The following SYMPK variants were observed in gnomAD, a reference collection of about 807,000 sequenced individuals.
SYMPK encodes the protein symplekin.
In SYMPK, 49 loss-of-function variants were observed where a neutral mutation model predicts 136.4. That is an observed-to-expected ratio of 0.36 (90% confidence interval 0.29 to 0.46). The LOEUF (loss-of-function observed/expected upper bound fraction) is 0.46, where lower values mean the gene tolerates loss of function less well. Ranked by LOEUF, SYMPK falls within the 20% of genes least tolerant of loss-of-function variation. The pLI is 1.00. For missense variants in SYMPK, 1,365 were observed against 1,690.0 expected, an observed-to-expected ratio of 0.81 and a Z score of 3.37; for synonymous variants, 766 against 713.0, an observed-to-expected ratio of 1.07 and a Z score of -1.19.
At chr19:45,853,608 T>C (rs1971745390) in intron 3 of SYMPK, among the ~76,000 whole-genome samples, 1 of 144,998 alleles carries the variant, frequency 6.9e-6, no homozygotes, top group Non-Finnish European at 1.5e-5. Context: ...AGCAAGACTC[T>C]GCCTCAAAAA....
chr19:45,817,459 A>C (rs1207624773), intron 23 of SYMPK, among the ~76,000 whole-genome samples: 5 of 107,962 alleles, frequency 4.6e-5, no homozygotes, highest in African/African-American at 7.1e-5. Flanking sequence ...AGATGGTCTT[A>C]CTCTGCCGCC....
In SYMPK at chr19:45,815,937, G is replaced by A; in HGVS notation, c.3601C>T (p.Pro1201Ser). The A allele has an allele frequency of 2.5e-6, 4 of 1,611,872 alleles. No homozygotes were observed. Among genetic ancestry groups the A allele is most frequent in the Non-Finnish European group, 3.4e-6 (4 of 1,179,732 alleles). Reference sequence around the variant, plus strand: ...TCATCCATGCTGATGAAGATGCCCGGGGTCTCGCACTCAGGCCCCTCCTCC... The same window carrying A: ...TCATCCATGCTGATGAAGATGCCCGAGGTCTCGCACTCAGGCCCCTCCTCC... ...FREEGPECET[P>S]GIFISMDDDS... The change falls in exon 26 of 27, where the codon CCG (proline) becomes TCG (serine). Residue 1201 changes from proline (P) to serine (S), a missense_variant. Pro to Ser is a moderately conservative substitution (Grantham distance 74). Around this residue, in one of 11 missense-constraint regions of SYMPK, gnomAD observed 341 missense variants for 270.5 expected, o/e 1.26. Coordinates refer to ENST00000245934, the MANE Select transcript of SYMPK (RefSeq NM_004819.3).
rs1193357348 is a variant in SYMPK, at chr19:45,830,145, A to G, written c.1658T>C (p.Leu553Pro). 1.0e-5 allele frequency: 16 copies of G among 1,605,576 alleles called. No homozygotes were observed. Among genetic ancestry groups the G allele is most frequent in the Non-Finnish European group, 1.3e-5 (15 of 1,175,580 alleles). The change falls in exon 13 of 27, where the codon CTT (leucine) becomes CCT (proline). Residue 553 changes from leucine (L) to proline (P), a missense_variant. Leu to Pro is a moderately conservative substitution (Grantham distance 98). Transcript: ENST00000245934. ...CATGGCTTCCACCTGGGCATCGGTA[A>G]GGGGCTTCAGCACGTCGCTGAGACG... ...IFRLSDVLKP[L>P]TDAQVEAMKL...
intron 9 of SYMPK, among the ~76,000 whole-genome samples, chr19:45,841,920 T>A (rs974631380): frequency 6.6e-6 from 1 of 152,066 alleles, no homozygotes; most frequent in Non-Finnish European, 1.5e-5. Context: ...AAATAATGCA[T>A]AATTTATTAA....
chr19:45,859,508 G>C (rs1254383749), intron 1 of SYMPK, among the ~76,000 whole-genome samples: 1 of 152,152 alleles, frequency 6.6e-6, no homozygotes, highest in Non-Finnish European at 1.5e-5. Context: ...GCTGAGGCAT[G>C]AGAATTACCT....
chr19:45,827,198 G>A (rs1177062126), intron 16 of SYMPK, among the ~76,000 whole-genome samples: 2 of 152,224 alleles, frequency 1.3e-5, no homozygotes, highest in African/African-American at 4.8e-5. Flanking sequence ...GCTGCACGAG[G>A]AGCCTGTGCT....
At position 45,835,089 on chromosome 19, in the gene SYMPK, C is replaced by A; in HGVS notation, c.1382G>T (p.Gly461Val). ...CAGGACACACTCACCTGGTCCCAGT[C>A]CGGCAGCTGTCATCTGTGTGGCCAT... is the stretch of plus-strand genomic sequence containing the variant. ...RLMATQMTAAGLGPGVEQTKQ... is the reference protein window; with the variant it reads ...RLMATQMTAAVLGPGVEQTKQ... The change falls in exon 11 of 27, where the codon GGA becomes GTA. Residue 461 changes from glycine to valine, a missense_variant. Physicochemically the swap from Gly to Val is moderately radical, Grantham distance 109. Coordinates refer to ENST00000245934, the MANE Select transcript of SYMPK (RefSeq NM_004819.3). 2 of 1,603,748 alleles carry A rather than the reference C, an allele frequency of 1.2e-6. No individual in the cohort carries two copies. Among genetic ancestry groups the A allele is most frequent in the Non-Finnish European group, 1.7e-6 (2 of 1,174,590 alleles).
rs771044286 is a variant in SYMPK at position 45,831,384 on chromosome 19, C to T, written c.1598G>A (p.Arg533Gln). The change falls in exon 12 of 27, where the codon CGG becomes CAG. Residue 533 changes from arginine to glutamine, a missense_variant and splice_region_variant. Arg to Gln is a conservative substitution (Grantham distance 43). Coordinates refer to ENST00000245934, the MANE Select transcript of SYMPK (RefSeq NM_004819.3). ...CCCTAGCACCCAGAAGAGGACTCAC[C>T]GGGGCTGAGTGACAGGGATAATGGG... ...PEPIIPVTQP[R>Q]LAGAGGRKKI... 1.9e-6 allele frequency: 3 copies of T among 1,554,910 alleles called. No homozygotes were observed. Among genetic ancestry groups the T allele is most frequent in the South Asian group, 1.2e-5 (1 of 82,734 alleles).
At chr19:45,849,278 C>A (rs1258863159) in intron 5 of SYMPK, among the ~76,000 whole-genome samples, 1 of 152,152 alleles carries the variant, frequency 6.6e-6, no homozygotes, top group Non-Finnish European at 1.5e-5. Flanking sequence ...TCAGTAAACA[C>A]CAAAAAGCAT....
At chr19:45,842,639 CT>C in intron 8 of SYMPK, 150 bp from the exon 9 acceptor site, 1 of 1,080,960 alleles carries the variant, frequency 9.3e-7, no homozygotes, top group Non-Finnish European at 1.3e-6. Flanking sequence ...GGCTTTCCGC[CT>C]TACAAGCTGA....
intron 10 of SYMPK, among the ~76,000 whole-genome samples, chr19:45,837,542 G>A (rs1019228430): frequency 7.3e-5 from 11 of 151,222 alleles, no homozygotes; most frequent in Non-Finnish European, 1.5e-4. Flanking sequence ...ACTTGAACCC[G>A]GGAGGCGGAG....
At chr19:45,826,456 C>A (rs890850595) in intron 16 of SYMPK, 83 bp from the exon 17 acceptor site, 2 of 1,478,196 alleles carry the variant, frequency 1.4e-6, no homozygotes, top group Admixed American at 1.7e-5. Context: ...GCAACACTCA[C>A]GTGAAAACAA....
At chr19:45,852,216 A>C in intron 5 of SYMPK, 96 bp downstream of exon 5, 2 of 1,246,086 alleles carry the variant, frequency 1.6e-6, no homozygotes, top group South Asian at 2.4e-5. Context: ...TGGGAAGCAG[A>C]GGGCAGGCCT....
Position 45,831,615 on chromosome 19 carries a change from C to T in SYMPK, c.1394-27G>A, listed in dbSNP as rs759201190. 27 of 1,544,832 alleles carry T rather than the reference C, an allele frequency of 1.7e-5. No homozygotes were observed. The African/African-American group carries it at 3.1e-4, about 18-fold the overall frequency. ...TGAGGGGGAGGCAGCAAACAGACAC[C>T]CAGTGCGTCAGACCCACCTGCTCCA... is the stretch of plus-strand genomic sequence containing the variant. On this transcript the variant is annotated intron_variant, in intron 11 of 26. Coordinates refer to ENST00000245934, the MANE Select transcript of SYMPK (RefSeq NM_004819.3).
intron 3 of SYMPK, among the ~76,000 whole-genome samples, chr19:45,852,951 T>C (rs561431974): frequency 4.5e-4 from 68 of 152,300 alleles, no homozygotes; most frequent in African/African-American, 1.5e-3. Context: ...CTACTTCACA[T>C]TGCCATGATT....
chr19:45,859,718 C>G (rs1971916155), intron 1 of SYMPK, among the ~76,000 whole-genome samples: 1 of 151,550 alleles, frequency 6.6e-6, no homozygotes, highest in South Asian at 2.1e-4. Flanking sequence ...GGCTTGAGGC[C>G]AGGAGTTCAG....
chr19:45,838,066 G>A (rs115128974), intron 10 of SYMPK, among the ~76,000 whole-genome samples: 3,789 of 152,086 alleles, frequency 0.025, 159 homozygotes, highest in African/African-American at 0.086. Flanking sequence ...GGGCCTGGTC[G>A]GGGGTGTTTG....
chr19:45,844,111 C>A lies in SYMPK; in HGVS notation c.766G>T (p.Ala256Ser). ...PAISSINLTT[A>S]LGSLANIARQ... ...GCGATATTGGCAAGGGAGCCCAGCG[C>A]TGTGGTCAGGTTGATGGAGGAGATG... The change falls in exon 8 of 27, where the codon GCG (alanine) becomes TCG (serine). Residue 256 changes from alanine to serine, a missense_variant. Physicochemically the swap from Ala to Ser is moderately conservative, Grantham distance 99. Transcript: ENST00000245934. 1 of 1,613,084 alleles carries A rather than the reference C, an allele frequency of 6.2e-7. No homozygotes were observed. The highest frequency in any genetic ancestry group is 8.5e-7 in the Non-Finnish European group (1 of 1,179,592).
At position 45,838,482 on chromosome 19, in the gene SYMPK, C is replaced by A. The variant is rs765153097; in HGVS notation, c.1221G>T (p.Thr407=). The A allele has an allele frequency of 7.4e-6, 12 of 1,613,704 alleles. No individual in the cohort carries two copies. The African/African-American group carries it at 1.5e-4, about 20-fold the overall frequency. ...ITAEFLQPLL[T]PDNVANLVLI... ...TCACCAGATTAGCCACATTATCAGG[C>A]GTCAGCAGAGGCTGCAGGAACTCAG... The change falls in exon 10 of 27, where the codon ACG becomes ACT. Residue 407 remains threonine (T), a synonymous_variant. Coordinates refer to ENST00000245934, the MANE Select transcript of SYMPK (RefSeq NM_004819.3).
Sources: gnomAD v4.1 joint callset for allele counts (sites outside exome capture counted in the v4.1 genomes callset) on GRCh38, gnomAD v4.1.1 for gene constraint, gnomAD v4.1.1 regional missense constraint, MANE v1.5 for transcripts, NCBI Gene and HGNC (gene_info 2026-07-23, HGNC 2026-07-21) for gene names.